CAMK4: variants seen among roughly 807,000 people sequenced by gnomAD.
CAMK4 encodes the protein calcium/calmodulin dependent protein kinase IV, also known as calcium/calmodulin-dependent protein kinase type IV.
Under a neutral mutation model 44.9 loss-of-function variants are expected in CAMK4, and 22 were observed. The ratio of observed to expected loss-of-function variants is 0.49; its 90% CI spans 0.35 to 0.70. CAMK4 has a LOEUF of 0.70. Among genes scored for constraint, CAMK4 ranks in the 30% least tolerant of loss-of-function variants. The probability of loss-of-function intolerance (pLI) is 0.01; values close to 1 mark genes in which losing one functional copy is unlikely to be tolerated. For synonymous variants in CAMK4, 218 were observed against 215.4 expected (o/e 1.01, Z -0.11); for missense variants, 498 against 586.8 (o/e 0.85, Z 1.56).
At chr5:111,395,596 C>T (rs1057068360) in intron 5 of CAMK4, among the ~76,000 whole-genome samples, 3 of 151,960 alleles carry the variant, frequency 2.0e-5, no homozygotes, top group Non-Finnish European at 4.4e-5. Context: ...AAGGAAGAAA[C>T]ATAAGTTAAT....
intron 1 of CAMK4, among the ~76,000 whole-genome samples, chr5:111,343,412 T>C (rs1749725909): frequency 6.6e-6 from 1 of 151,804 alleles, no homozygotes; most frequent in African/African-American, 2.4e-5. Flanking sequence ...GCTTCTCATG[T>C]GGTGTTTGGA....
intron 7 of CAMK4, among the ~76,000 whole-genome samples, chr5:111,457,730 A>T (rs528045439): frequency 9.8e-5 from 15 of 152,366 alleles, no homozygotes; most frequent in African/African-American, 3.6e-4. Context: ...ATAATCTAAA[A>T]TAGAAACTTT....
At chr5:111,369,402 A>G (rs1410111707) in intron 2 of CAMK4, among the ~76,000 whole-genome samples, 5 of 152,130 alleles carry the variant, frequency 3.3e-5, no homozygotes, top group East Asian at 3.8e-4. Context: ...AGCTACGCAT[A>G]TTTGCTGTAT....
rs185549016 is a variant in CAMK4 at position 111,262,093 on chromosome 5, C to T, written c.161+37449C>T. ...TGAGCCCCTCACTCTGCTGACATAC[C>T]TTCACAGGCAGTAGAGACACAGTTT... is the stretch of plus-strand genomic sequence containing the variant. On this transcript the variant is annotated intron_variant, in intron 1 of 10. Coordinates refer to ENST00000282356, the MANE Select transcript of CAMK4 (RefSeq NM_001744.6). Among the ~76,000 whole-genome samples the T allele has an allele frequency of 2.0e-4, 30 of 151,496 alleles. No homozygotes were observed. The East Asian group carries it at 5.6e-3, about 28-fold the overall frequency.
chr5:111,275,506 A>G (rs979427570), intron 1 of CAMK4, among the ~76,000 whole-genome samples: 1 of 151,948 alleles, frequency 6.6e-6, no homozygotes, highest in Non-Finnish European at 1.5e-5. Context: ...TTTTTATTAT[A>G]CTTTAATACC....
At chr5:111,344,140 C>T (rs1431722843) in intron 2 of CAMK4, 38 bp downstream of exon 2, 1 of 1,212,550 alleles carries the variant, frequency 8.2e-7, no homozygotes. Flanking sequence ...CTCTAAGGGG[C>T]CTGTGACCTG....
In CAMK4 at chr5:111,235,745, G is replaced by T. The variant is rs73230463; in HGVS notation, c.161+11101G>T. On this transcript the variant is annotated intron_variant, in intron 1 of 10. Transcript: ENST00000282356. ...GACTGAGCTAAGGGCTGTTGGGATTGGGGGAAGTGGTTGGCCTAAGGATCT... is the reference window on the plus strand; with the variant it reads ...GACTGAGCTAAGGGCTGTTGGGATTTGGGGAAGTGGTTGGCCTAAGGATCT... Among the ~76,000 whole-genome samples, 1,310 of 152,358 alleles carry T rather than the reference G, an allele frequency of 8.6e-3. 19 individuals are homozygous for T. Among genetic ancestry groups the T allele is most frequent in the African/African-American group, 0.03 (1,257 of 41,580 alleles).
At chr5:111,309,646 C>T (rs1188736187) in intron 1 of CAMK4, among the ~76,000 whole-genome samples, 1 of 152,172 alleles carries the variant, frequency 6.6e-6, no homozygotes, top group Non-Finnish European at 1.5e-5. Context: ...GTTATTTCTT[C>T]TATTCCGACT....
At chr5:111,335,628 C>T (rs189784090) in intron 1 of CAMK4, among the ~76,000 whole-genome samples, 63 of 151,424 alleles carry the variant, frequency 4.2e-4, no homozygotes, top group African/African-American at 1.4e-3. Context: ...TTCTACACTA[C>T]GTAGTCCTAA....
Position 111,290,911 on chromosome 5 carries a change from T to C in CAMK4, c.162-53113T>C, listed in dbSNP as rs1041370300. Among the ~76,000 whole-genome samples, 2 of 152,326 alleles carry C rather than the reference T, an allele frequency of 1.3e-5. No individual in the cohort carries two copies. The highest frequency in any genetic ancestry group is 3.9e-4 in the East Asian group (2 of 5,192). ...TGGATTCCATCAAGAAACTTGGGCT[T>C]ATATAGTCCAAATCCCATTTAAATT... On this transcript the variant is annotated intron_variant, in intron 1 of 10. Coordinates refer to ENST00000282356, the MANE Select transcript of CAMK4 (RefSeq NM_001744.6). The surrounding 1 kb of genome is among the most constrained non-coding windows in gnomAD (Gnocchi z 4.5).
At chr5:111,448,601 C>G (rs1040395131) in intron 6 of CAMK4, among the ~76,000 whole-genome samples, 3 of 152,102 alleles carry the variant, frequency 2.0e-5, no homozygotes, top group South Asian at 2.1e-4. Context: ...GTCAGGAGAT[C>G]GAGACCATCC....
At chr5:111,419,943 A>C (rs1580728231) in intron 5 of CAMK4, among the ~76,000 whole-genome samples, 1 of 152,138 alleles carries the variant, frequency 6.6e-6, no homozygotes. Context: ...TTTTGGTTCC[A>C]TATGAACTTT....
At chr5:111,374,802 T>C (rs759958043) in intron 2 of CAMK4, 48 bp from the exon 3 acceptor site, 4 of 1,159,978 alleles carry the variant, frequency 3.4e-6, no homozygotes, top group South Asian at 2.5e-5. Context: ...TCTGCTACAA[T>C]GAAGGGGGGA....
chr5:111,350,247 A>T (rs918349345), intron 2 of CAMK4, among the ~76,000 whole-genome samples: 5 of 152,074 alleles, frequency 3.3e-5, no homozygotes, highest in African/African-American at 1.2e-4. Flanking sequence ...CATGATGAAC[A>T]TTATTCTTAT....
At chr5:111,380,111 G>C (rs1227319277) in intron 4 of CAMK4, among the ~76,000 whole-genome samples, 1 of 152,106 alleles carries the variant, frequency 6.6e-6, no homozygotes, top group African/African-American at 2.4e-5. Flanking sequence ...AATGGACAAG[G>C]TGTGAGTTTT....
intron 1 of CAMK4, among the ~76,000 whole-genome samples, chr5:111,321,418 C>A (rs1365256825): frequency 6.6e-6 from 1 of 151,148 alleles, no homozygotes; most frequent in Non-Finnish European, 1.5e-5. Context: ...AAGCCACCAA[C>A]CTTGCCTCTG....
Position 111,262,279 on chromosome 5 carries a change from G to A in CAMK4, c.161+37635G>A, listed in dbSNP as rs139421820. Among the ~76,000 whole-genome samples, 143 of 152,244 alleles carry A rather than the reference G, an allele frequency of 9.4e-4. 3 individuals carry two copies. The East Asian group carries it at 0.021, about 22-fold the overall frequency. On this transcript the variant is annotated intron_variant, in intron 1 of 10. Coordinates refer to ENST00000282356, the MANE Select transcript of CAMK4 (RefSeq NM_001744.6). ...AGGGGGAGGAGTTTCTAAGCACTGGGGTGAGCTGGTGGAAAATTGCGGGAG... is the reference window on the plus strand; with the variant it reads ...AGGGGGAGGAGTTTCTAAGCACTGGAGTGAGCTGGTGGAAAATTGCGGGAG...
At chr5:111,298,815 A>G (rs1241056000) in intron 1 of CAMK4, among the ~76,000 whole-genome samples, 1 of 152,264 alleles carries the variant, frequency 6.6e-6, no homozygotes, top group Non-Finnish European at 1.5e-5. Context: ...ACTACTGCCC[A>G]AGGAGGCACC....
chr5:111,460,458 G>T (rs916851086), intron 7 of CAMK4, among the ~76,000 whole-genome samples: 18 of 151,772 alleles, frequency 1.2e-4, no homozygotes, highest in Non-Finnish European at 1.6e-4. Flanking sequence ...TTTTAGTAGA[G>T]ACGGGGTTTC....
Sources: gnomAD v4.1 joint callset for allele counts (sites outside exome capture counted in the v4.1 genomes callset) on GRCh38, gnomAD v4.1.1 for gene constraint, Gnocchi (gnomAD v3.1) non-coding constraint, MANE v1.5 for transcripts, NCBI Gene and HGNC (gene_info 2026-07-23, HGNC 2026-07-21) for gene names.